The following RNF38 variants were observed in gnomAD, a reference collection of about 807,000 sequenced individuals.
The protein encoded by RNF38 is ring finger protein 38.
RNF38 carries 15 observed loss-of-function variants against 67.2 expected under a neutral mutation model. The ratio of observed to expected loss-of-function variants is 0.22; its 90% CI spans 0.15 to 0.34. The LOEUF (loss-of-function observed/expected upper bound fraction) is 0.34, where lower values mean the gene tolerates loss of function less well. RNF38 is among the 10% of genes least tolerant of loss of function. The pLI, the probability that RNF38 is intolerant of heterozygous loss-of-function variation, is 1.00. For synonymous variants in RNF38, 220 were observed against 218.8 expected, an observed-to-expected ratio of 1.01 and a Z score of -0.05; for missense variants, 524 against 639.9, an observed-to-expected ratio of 0.82 and a Z score of 1.95.
chr9:36,378,904 C>CTT (rs35905528), intron 2 of RNF38, among the ~76,000 whole-genome samples: 98 of 144,798 alleles, frequency 6.8e-4, no homozygotes, highest in South Asian at 1.5e-3. Context: ...TTTCTTTTTC[C>CTT]TTTTTTTTTT....
chr9:36,426,865 A>T (rs1255774569), intron 1 of RNF38, among the ~76,000 whole-genome samples: 1 of 152,222 alleles, frequency 6.6e-6, no homozygotes, highest in Non-Finnish European at 1.5e-5. Flanking sequence ...AAATTAGAAT[A>T]TTATTATCTA....
At chr9:36,370,063 C>T (rs1835261148) in intron 3 of RNF38, 131 bp from the exon 4 acceptor site, 1 of 712,416 alleles carries the variant, frequency 1.4e-6, no homozygotes, top group East Asian at 2.8e-5. Flanking sequence ...GCTAAAATTC[C>T]CCATCAGCTC....
At chr9:36,419,685 G>A (rs1266155508) in intron 2 of RNF38, among the ~76,000 whole-genome samples, 1 of 152,150 alleles carries the variant, frequency 6.6e-6, no homozygotes, top group East Asian at 1.9e-4. Flanking sequence ...ATGACTACAG[G>A]TGGCACGGCA....
intron 2 of RNF38, among the ~76,000 whole-genome samples, chr9:36,412,053 C>A (rs1228341458): frequency 6.6e-6 from 1 of 152,120 alleles, no homozygotes; most frequent in Non-Finnish European, 1.5e-5. Context: ...GAAGGGTGGT[C>A]TTTTATAAAC....
At chr9:36,435,773 G>A (rs1839051107) in intron 1 of RNF38, among the ~76,000 whole-genome samples, 1 of 152,004 alleles carries the variant, frequency 6.6e-6, no homozygotes, top group Admixed American at 6.6e-5. Context: ...GGGACCACTG[G>A]TGCCTGCCAC....
chr9:36,368,564 T>C (rs185813611), intron 4 of RNF38, among the ~76,000 whole-genome samples: 1 of 152,336 alleles, frequency 6.6e-6, no homozygotes, highest in East Asian at 1.9e-4. Context: ...GGGGAGAAGG[T>C]ACAAAAATTG....
chr9:36,357,946 T>C lies in RNF38; in HGVS notation c.571-4A>G. On this transcript the variant is annotated splice_polypyrimidine_tract_variant and splice_region_variant and intron_variant, in intron 4 of 11. Coordinates refer to ENST00000259605, the MANE Select transcript of RNF38 (RefSeq NM_022781.5). ...CAGGGACTGTTCCTTGATGGAGCTT[T>C]AAAGGAAAAAACAAATGAACAAACT... 6.2e-7 allele frequency: 1 copy of C among 1,606,494 alleles called. No individual in the cohort carries two copies.
chr9:36,439,086 G>C (rs1839135233), intron 1 of RNF38, among the ~76,000 whole-genome samples: 1 of 149,852 alleles, frequency 6.7e-6, no homozygotes, highest in Non-Finnish European at 1.5e-5. Context: ...TGAGGGCGGG[G>C]TGGGAGGGGA....
chr9:36,366,823 A>G (rs1429583247), intron 4 of RNF38, among the ~76,000 whole-genome samples: 1 of 152,122 alleles, frequency 6.6e-6, no homozygotes, highest in African/African-American at 2.4e-5. Flanking sequence ...TCATGTACCG[A>G]GTTAACTTTG....
In RNF38 at chr9:36,338,252, C is replaced by T. The variant is rs1041863495; in HGVS notation, c.*1500G>A. On this transcript the variant is annotated 3_prime_UTR_variant, in exon 12 of 12. Coordinates refer to ENST00000259605, the MANE Select transcript of RNF38 (RefSeq NM_022781.5). Reference sequence around the variant, plus strand: ...TGCTCAAAGAACTTACTAAAAAAAACCCCATACAGCTATGTATTACATCAA... The same window carrying T: ...TGCTCAAAGAACTTACTAAAAAAAATCCCATACAGCTATGTATTACATCAA... 6.6e-6 allele frequency: 1 copy of T among 152,116 alleles called. No individual in the cohort carries two copies. The highest frequency in any genetic ancestry group is 1.9e-4 in the East Asian group (1 of 5,198). 9.4% of individuals were successfully genotyped at this position (152,116 alleles called of 1,614,324 possible). A position where few individuals can be genotyped will look rare whatever the true frequency, so the allele number is the denominator to read the frequency against.
chr9:36,362,300 G>A (rs1243039753), intron 4 of RNF38, among the ~76,000 whole-genome samples: 1 of 151,888 alleles, frequency 6.6e-6, no homozygotes, highest in East Asian at 1.9e-4. Context: ...GGAGGTTGCA[G>A]TGAGCCAAGA....
chr9:36,440,891 C>T (rs922148321), intron 1 of RNF38, among the ~76,000 whole-genome samples: 3 of 152,156 alleles, frequency 2.0e-5, no homozygotes, highest in East Asian at 3.8e-4. Context: ...GGGTGGATCA[C>T]GAGGTCAGCT....
intron 8 of RNF38, among the ~76,000 whole-genome samples, chr9:36,352,224 T>C (rs1482671779): frequency 6.6e-6 from 1 of 151,604 alleles, no homozygotes; most frequent in Non-Finnish European, 1.5e-5. Flanking sequence ...CGCTGGAACC[T>C]GGGAGGCAGA....
chr9:36,395,368 G>C (rs566364996), intron 1 of RNF38, among the ~76,000 whole-genome samples: 1 of 151,530 alleles, frequency 6.6e-6, no homozygotes, highest in Non-Finnish European at 1.5e-5. Context: ...AGAGGATACA[G>C]GTACATGACT....
intron 1 of RNF38, among the ~76,000 whole-genome samples, chr9:36,443,529 G>A (rs1230009508): frequency 1.3e-5 from 2 of 151,912 alleles, no homozygotes; most frequent in African/African-American, 4.8e-5. Flanking sequence ...TCAGTTGTTG[G>A]GACACAGAAG....
intron 2 of RNF38, among the ~76,000 whole-genome samples, chr9:36,406,510 T>C (rs746550006): frequency 1.3e-5 from 2 of 152,230 alleles, no homozygotes; most frequent in Non-Finnish European, 2.9e-5. Context: ...ATAGCATTAA[T>C]CATTCTGCCT....
chr9:36,435,847 T>G (rs1423255107), intron 1 of RNF38, among the ~76,000 whole-genome samples: 1 of 152,156 alleles, frequency 6.6e-6, no homozygotes, highest in African/African-American at 2.4e-5. Context: ...GCCAGGATGG[T>G]CTCGATATCC....
chr9:36,352,317 A>G (rs1833754191), intron 8 of RNF38, among the ~76,000 whole-genome samples: 1 of 152,068 alleles, frequency 6.6e-6, no homozygotes, highest in Non-Finnish European at 1.5e-5. Context: ...ATTAAAAAAA[A>G]AAAACAACAA....
At chr9:36,342,527 CTTAAATTT>C (rs1832926557) in intron 10 of RNF38, 103 bp from the exon 11 acceptor site, 3 of 751,538 alleles carry the variant, frequency 4.0e-6, no homozygotes, top group African/African-American at 3.5e-5. Flanking sequence ...CAAAACGTCA[CTTAAATTT>C]TTAAACAAAA....
Sources: allele counts gnomAD v4.1 joint callset (sites outside exome capture counted in the v4.1 genomes callset), GRCh38; gene constraint gnomAD v4.1.1; transcripts MANE v1.5; gene names NCBI Gene and HGNC (gene_info 2026-07-23, HGNC 2026-07-21).